Variants in MXD1 observed in about 807,000 individuals in gnomAD.
MXD1 encodes the protein MAX dimerization protein 1.
MXD1 carries 9 observed loss-of-function variants against 25.7 expected under a neutral mutation model. That is an observed-to-expected ratio of 0.35 (90% CI 0.21 to 0.61). The LOEUF is 0.61. Ranked by LOEUF, MXD1 falls within the 20% of genes least tolerant of loss-of-function variation. The pLI, the probability that MXD1 is intolerant of heterozygous loss-of-function variation, is 0.75. For synonymous variants in MXD1, 99 were observed against 113.9 expected (o/e 0.87, Z 0.83); for missense variants, 227 against 292.4 (o/e 0.78, Z 1.63).
chr2:69,929,605 G>T (rs1477997499), intron 3 of MXD1, among the ~76,000 whole-genome samples: 1 of 152,178 alleles, frequency 6.6e-6, no homozygotes, highest in Non-Finnish European at 1.5e-5. Context: ...CCTTTACTTG[G>T]ATATTTACTT....
At chr2:69,922,506 C>G (rs1208663493) in intron 3 of MXD1, among the ~76,000 whole-genome samples, 1 of 152,172 alleles carries the variant, frequency 6.6e-6, no homozygotes. Flanking sequence ...TATACACATA[C>G]ACTTGTATAT....
rs143771825 is a variant in MXD1, at chr2:69,934,199, C to G, written c.204-1152C>G. Among the ~76,000 whole-genome samples, 127 of 152,288 alleles carry G rather than the reference C, an allele frequency of 8.3e-4. No individual in the cohort carries two copies. The East Asian group carries it at 0.014, about 17-fold the overall frequency. On this transcript the variant is annotated intron_variant, in intron 3 of 5. Transcript: ENST00000264444. ...ACAAGTCAGGCAGTACAGTGAACTTCCCAGTGAATAATATAAACAGTTAAG... is the reference window on the plus strand; with the variant it reads ...ACAAGTCAGGCAGTACAGTGAACTTGCCAGTGAATAATATAAACAGTTAAG...
rs1222720266 is a variant in MXD1, at chr2:69,916,483, C to CA, written c.173+270dup. The CA allele has an allele frequency of 2.9e-5, 8 of 272,290 alleles. No individual in the cohort carries two copies. In the East Asian group the frequency reaches 3.7e-4, roughly 13 times the overall value. 16.9% of individuals were successfully genotyped at this position (272,290 alleles called of 1,614,324 possible). On this transcript the variant is annotated intron_variant, in intron 2 of 5. Coordinates refer to ENST00000264444, the MANE Select transcript of MXD1 (RefSeq NM_002357.4). The stretch of plus-strand genomic sequence containing the variant: ...ATTTCACTTTTCTTCCCTTTTGGAA[C>CA]AAAAAAATCTGTGGAAGCTTCAAGT...
At chr2:69,928,279 C>T (rs1220022322) in intron 3 of MXD1, among the ~76,000 whole-genome samples, 1 of 152,098 alleles carries the variant, frequency 6.6e-6, no homozygotes, top group Non-Finnish European at 1.5e-5. Context: ...CAGAGTTAAA[C>T]AGGCTACCCT....
At chr2:69,924,976 C>T (rs1677142833) in intron 3 of MXD1, among the ~76,000 whole-genome samples, 2 of 152,172 alleles carry the variant, frequency 1.3e-5, no homozygotes, top group Admixed American at 6.5e-5. Flanking sequence ...GAAGTATCTT[C>T]GCATTGGTGG....
In MXD1 at chr2:69,915,342, G is replaced by C. The variant is rs879515501; in HGVS notation, c.12G>C (p.Ala4=). The C allele has an allele frequency of 1.5e-6, 2 of 1,306,336 alleles. No individual in the cohort carries two copies. The highest frequency in any genetic ancestry group is 2.0e-6 in the Non-Finnish European group (2 of 1,018,440). The allele number at this position is 1,306,336 out of a possible 1,614,324, so 80.9% of individuals were successfully genotyped here. ...GCCCCCGGTGCAGAATGGCGGCGGC[G>C]GTTCGGATGAACATCCAGATGCTGC... The part of the protein sequence containing the change: MAA[A]VRMNIQMLLE... The change falls in exon 1 of 6, where the codon GCG becomes GCC. Residue 4 remains alanine, a synonymous_variant. Transcript: ENST00000264444. This position sits in a 1 kb window ranked among gnomAD's most constrained non-coding sequence, Gnocchi z 5.8.
At position 69,935,338 on chromosome 2, in the gene MXD1, C is replaced by T. The variant is rs1677400301; in HGVS notation, c.204-13C>T. On this transcript the variant is annotated splice_polypyrimidine_tract_variant and intron_variant, in intron 3 of 5. Coordinates refer to ENST00000264444, the MANE Select transcript of MXD1 (RefSeq NM_002357.4). ...TGAAACTCTCAAATGCTACTGTGGT[C>T]TTGTTTTCATAGACGGGCTCATCTT... The T allele has an allele frequency of 6.3e-7, 1 of 1,597,888 alleles. No homozygotes were observed. The highest frequency in any genetic ancestry group is 1.3e-5 in the African/African-American group (1 of 74,460).
chr2:69,937,532 C>T (rs950871664), intron 5 of MXD1, 138 bp downstream of exon 5: 1 of 790,906 alleles, frequency 1.3e-6, no homozygotes, highest in Admixed American at 3.2e-5. Flanking sequence ...AACAGTGTGA[C>T]CTCCAGTGAC....
At chr2:69,937,142 G>C (rs1677467726) in intron 4 of MXD1, 93 bp from the exon 5 acceptor site, 2 of 1,512,736 alleles carry the variant, frequency 1.3e-6, no homozygotes, top group African/African-American at 1.4e-5. Flanking sequence ...GAGGAAGTGT[G>C]GCGCATTCCA....
intron 3 of MXD1, among the ~76,000 whole-genome samples, chr2:69,928,906 T>C (rs1677221214): frequency 6.6e-6 from 1 of 152,178 alleles, no homozygotes; most frequent in Admixed American, 6.5e-5. Flanking sequence ...TTCTCTCTCT[T>C]TTTTTGAGAT....
At chr2:69,927,403 G>A (rs4852383) in intron 3 of MXD1, among the ~76,000 whole-genome samples, 4,591 of 152,252 alleles carry the variant, frequency 0.03, 436 homozygotes, top group Admixed American at 0.2. Flanking sequence ...GAGACACAGC[G>A]ATCAGTGTAT....
At chr2:69,925,069 C>A (rs141420703) in intron 3 of MXD1, among the ~76,000 whole-genome samples, 1 of 152,112 alleles carries the variant, frequency 6.6e-6, no homozygotes, top group Non-Finnish European at 1.5e-5. Context: ...ACCTAAGATG[C>A]CGTGTAGTAG....
At chr2:69,926,532 T>C (rs1167431023) in intron 3 of MXD1, among the ~76,000 whole-genome samples, 2 of 152,238 alleles carry the variant, frequency 1.3e-5, no homozygotes, top group Non-Finnish European at 2.9e-5. Context: ...GGTATGTGCC[T>C]TAATTTATTC....
intron 3 of MXD1, among the ~76,000 whole-genome samples, chr2:69,922,539 A>G (rs1677086495): frequency 6.6e-6 from 1 of 152,216 alleles, no homozygotes; most frequent in South Asian, 2.1e-4. Flanking sequence ...GGTAGAGAAC[A>G]AAGGTTTATT....
At chr2:69,926,199 C>T (rs1677166441) in intron 3 of MXD1, among the ~76,000 whole-genome samples, 1 of 152,158 alleles carries the variant, frequency 6.6e-6, no homozygotes, top group South Asian at 2.1e-4. Context: ...TATACAGAAT[C>T]AGTCTTCCCT....
At position 69,915,440 on chromosome 2, in the gene MXD1, GCCGGGGGTCCTGTGGGGCCGGCCTCAGGT is replaced by G; in HGVS notation, c.73+43_73+71del. 7.9e-7 allele frequency: 1 copy of G among 1,260,002 alleles called. No individual in the cohort carries two copies. Among genetic ancestry groups the G allele is most frequent in the Non-Finnish European group, 1.0e-6 (1 of 992,382 alleles). The allele number at this position is 1,260,002 out of a possible 1,614,324, so 78.1% of individuals were successfully genotyped here. ...CGGGGAGGGGTCCACTCGAAACGAG[GCCGGGGGTCCTGTGGGGCCGGCCTCAGGT>G]CCGGGCGCCCAGCCGCTCCGGGGGT... is the stretch of plus-strand genomic sequence containing the variant. On this transcript the variant is annotated intron_variant, in intron 1 of 5. Transcript: ENST00000264444. This position sits in a 1 kb window ranked among gnomAD's most constrained non-coding sequence, Gnocchi z 5.8.
intron 3 of MXD1, among the ~76,000 whole-genome samples, chr2:69,932,784 A>G (rs1677322425): frequency 6.6e-6 from 1 of 152,248 alleles, no homozygotes; most frequent in South Asian, 2.1e-4. Context: ...AAAAATTCAC[A>G]CACTCATATC....
chr2:69,935,713 G>T (rs1430299484), intron 4 of MXD1, among the ~76,000 whole-genome samples: 1 of 152,186 alleles, frequency 6.6e-6, no homozygotes, highest in Admixed American at 6.5e-5. Flanking sequence ...GTCCGTGATA[G>T]CTCCTGCTCC....
At chr2:69,925,248 ATGTG>A (rs59577798) in intron 3 of MXD1, among the ~76,000 whole-genome samples, 4 of 149,588 alleles carry the variant, frequency 2.7e-5, no homozygotes, top group African/African-American at 9.8e-5. Context: ...AGGGTGGGGT[ATGTG>A]TGTGTGTGTG....
Sources: allele counts gnomAD v4.1 joint callset (sites outside exome capture counted in the v4.1 genomes callset), GRCh38; gene constraint gnomAD v4.1.1; non-coding constraint Gnocchi (gnomAD v3.1); transcripts MANE v1.5; gene names NCBI Gene and HGNC (gene_info 2026-07-23, HGNC 2026-07-21).